TTC13: variants seen among roughly 807,000 people sequenced by gnomAD.
TTC13 encodes the protein tetratricopeptide repeat protein 13.
TTC13 carries 62 observed loss-of-function variants against 120.0 expected under a neutral mutation model. That is an observed-to-expected ratio of 0.52 (90% CI 0.42 to 0.64). TTC13 has a LOEUF of 0.64. Ranked by LOEUF, TTC13 falls within the 30% of genes least tolerant of loss-of-function variation. TTC13 has a pLI of 0.00. For missense variants in TTC13, 824 were observed against 1,050.2 expected, an observed-to-expected ratio of 0.78 and a Z score of 2.98; for synonymous variants, 384 against 393.5, an observed-to-expected ratio of 0.98 and a Z score of 0.28.
chr1:230,976,875 T>A (rs534641076), intron 1 of TTC13, among the ~76,000 whole-genome samples: 1 of 152,148 alleles, frequency 6.6e-6, no homozygotes, highest in African/African-American at 2.4e-5. Flanking sequence ...CCAATAGATA[T>A]CATAGTATTA....
intron 15 of TTC13, among the ~76,000 whole-genome samples, chr1:230,922,566 A>G (rs1672674992): frequency 1.3e-5 from 2 of 152,162 alleles, no homozygotes; most frequent in Admixed American, 6.5e-5. Context: ...TCTAGCCTTA[A>G]TTCCTGATAC....
rs919218237 is a variant in TTC13, at chr1:230,961,203, G to A, written c.366+6C>T. The A allele has an allele frequency of 1.9e-6, 3 of 1,606,980 alleles. No individual in the cohort carries two copies. The highest frequency in any genetic ancestry group is 2.7e-5 in the African/African-American group (2 of 74,766). On this transcript the variant is annotated splice_donor_region_variant and intron_variant, in intron 2 of 22. Transcript: ENST00000366661. ...CAAAAACAGAACACAGAGAGAAGAT[G>A]CATACCAGAATCTTCTCAGTGTTGA... is the stretch of plus-strand genomic sequence containing the variant.
chr1:230,969,080 G>A (rs1677452652), intron 1 of TTC13, among the ~76,000 whole-genome samples: 1 of 152,102 alleles, frequency 6.6e-6, no homozygotes, highest in Non-Finnish European at 1.5e-5. Flanking sequence ...CGAGACCACG[G>A]TGAAACCCCG....
chr1:230,911,208 G>T (rs1190093003), intron 20 of TTC13, among the ~76,000 whole-genome samples: 1 of 152,148 alleles, frequency 6.6e-6, no homozygotes, highest in Non-Finnish European at 1.5e-5. Flanking sequence ...ATGATACACA[G>T]TAAACTTTCC....
At chr1:230,916,360 T>TACAGAGTTGCAGTTGG in intron 17 of TTC13, 58 bp from the exon 18 acceptor site, 1 of 1,240,252 alleles carries the variant, frequency 8.1e-7, no homozygotes, top group Non-Finnish European at 1.2e-6. Context: ...AAACCCCAAC[T>TACAGAGTTGCAGTTGG]GCAACTCTGT....
At chr1:230,954,495 A>G in intron 3 of TTC13, 92 bp from the exon 4 acceptor site, 1 of 974,794 alleles carries the variant, frequency 1.0e-6, no homozygotes, top group Non-Finnish European at 1.5e-6. Flanking sequence ...CTCCAAAGGC[A>G]GCTCCAAGCA....
intron 17 of TTC13, 166 bp downstream of exon 17, chr1:230,920,344 G>T: frequency 2.2e-6 from 1 of 464,966 alleles, no homozygotes; most frequent in Non-Finnish European, 3.8e-6. Flanking sequence ...TGTTTTTTCT[G>T]TTTGAGTCTG....
rs148236488 is a variant in TTC13 at position 230,924,455 on chromosome 1, C to T, written c.1721+386G>A. Among the ~76,000 whole-genome samples, 289 of 152,306 alleles carry T rather than the reference C, an allele frequency of 1.9e-3. 9 individuals carry two copies. The East Asian group carries it at 0.053, about 28-fold the overall frequency. On this transcript the variant is annotated intron_variant, in intron 14 of 22. Transcript: ENST00000366661. ...TCACGCCATTCTCCTGCCTCAGCCT[C>T]CGGAGTAGCTGCGACTACAGGCGCG...
At chr1:230,933,707 T>C in intron 9 of TTC13, 72 bp downstream of exon 9, 1 of 784,518 alleles carries the variant, frequency 1.3e-6, no homozygotes, top group South Asian at 1.8e-5. Flanking sequence ...TTCTTTTAAA[T>C]ATTATGTGAA....
rs1451011895 is a variant in TTC13, at chr1:230,940,344, T to G, written c.789+96A>C. The G allele has an allele frequency of 1.3e-6, 1 of 779,674 alleles. No homozygotes were observed. Among genetic ancestry groups the G allele is most frequent in the Non-Finnish European group, 2.1e-6 (1 of 472,416 alleles). The allele number at this position is 779,674 out of a possible 1,614,324, so 48.3% of individuals were successfully genotyped here. The stretch of plus-strand genomic sequence containing the variant: ...ATGACACAGACATATTACTAAACAG[T>G]CAAAGCCCAAATCTATCAAAGAGTC... On this transcript the variant is annotated intron_variant, in intron 7 of 22. Transcript: ENST00000366661. The surrounding 1 kb of genome is among the most constrained non-coding windows in gnomAD (Gnocchi z 4.1).
Position 230,943,917 on chromosome 1 carries a change from T to C in TTC13, c.580-19A>G. 1 of 1,588,584 alleles carries C rather than the reference T, an allele frequency of 6.3e-7. No individual in the cohort carries two copies. Among genetic ancestry groups the C allele is most frequent in the Non-Finnish European group, 8.6e-7 (1 of 1,162,160 alleles). On this transcript the variant is annotated intron_variant, in intron 5 of 22. Coordinates refer to ENST00000366661, the MANE Select transcript of TTC13 (RefSeq NM_024525.5). ...TAATGTCCTTGAAAAGGCATTAGCT[T>C]AGTATGAGACATACTGTTACTCAAA...
At chr1:230,928,255 A>G (rs1248034471) in intron 12 of TTC13, among the ~76,000 whole-genome samples, 1 of 152,214 alleles carries the variant, frequency 6.6e-6, no homozygotes, top group Admixed American at 6.5e-5. Context: ...CTTCCAATCC[A>G]TGAACATAGT....
intron 12 of TTC13, 33 bp downstream of exon 12, chr1:230,928,904 G>A (rs1673285673): frequency 6.3e-7 from 1 of 1,596,510 alleles, no homozygotes; most frequent in Middle Eastern, 1.7e-4. Flanking sequence ...TTTGAGAAAG[G>A]AAAAAAAAAT....
intron 8 of TTC13, among the ~76,000 whole-genome samples, chr1:230,938,868 C>T (rs569922494): frequency 1.3e-5 from 2 of 152,272 alleles, no homozygotes; most frequent in South Asian, 4.1e-4. Flanking sequence ...TGCCCTCCAC[C>T]GACCTTCCAG....
chr1:230,966,871 G>A (rs1324308167), intron 1 of TTC13, among the ~76,000 whole-genome samples: 2 of 152,148 alleles, frequency 1.3e-5, no homozygotes, highest in Non-Finnish European at 2.9e-5. Flanking sequence ...GTGGAGGGAG[G>A]ATCTGAACCT....
At chr1:230,965,463 GATA>G (rs2102982407) in intron 1 of TTC13, among the ~76,000 whole-genome samples, 1 of 152,314 alleles carries the variant, frequency 6.6e-6, no homozygotes, top group Admixed American at 6.5e-5. Context: ...GCAAAAGACA[GATA>G]ATAACAAATG....
At chr1:230,925,818 A>T (rs4240944) in intron 12 of TTC13, among the ~76,000 whole-genome samples, 171 bp from the exon 13 acceptor site, 1 of 152,008 alleles carries the variant, frequency 6.6e-6, no homozygotes, top group Non-Finnish European at 1.5e-5. Context: ...TTAAAAGGGA[A>T]TCTCTATGAT....
intron 1 of TTC13, among the ~76,000 whole-genome samples, chr1:230,963,592 A>T (rs1273265151): frequency 6.6e-6 from 1 of 151,970 alleles, no homozygotes; most frequent in African/African-American, 2.4e-5. Flanking sequence ...CCATGATCAT[A>T]CCACTGCACT....
intron 7 of TTC13, among the ~76,000 whole-genome samples, chr1:230,939,832 G>A (rs1674386657): frequency 6.6e-6 from 1 of 152,194 alleles, no homozygotes. Flanking sequence ...GATATTCCCA[G>A]AATAATTATG....
Sources: gnomAD v4.1 joint callset for allele counts (sites outside exome capture counted in the v4.1 genomes callset) on GRCh38, gnomAD v4.1.1 for gene constraint, Gnocchi (gnomAD v3.1) non-coding constraint, MANE v1.5 for transcripts, NCBI Gene and HGNC (gene_info 2026-07-23, HGNC 2026-07-21) for gene names.